Variants in FOXI2 observed in about 807,000 individuals in gnomAD.
The protein encoded by FOXI2 is forkhead box I2.
A neutral mutation model predicts 14.3 loss-of-function variants in FOXI2; 17 were observed. The ratio of observed to expected loss-of-function variants is 1.19; its 90% CI spans 0.81 to 1.78. The LOEUF (loss-of-function observed/expected upper bound fraction) is 1.78. FOXI2 is among the 40% of genes most tolerant of loss of function. The pLI is 0.00. For synonymous variants in FOXI2, 240 were observed against 218.8 expected, an observed-to-expected ratio of 1.10 and a Z score of -0.85; for missense variants, 541 against 460.0, an observed-to-expected ratio of 1.18 and a Z score of -1.61.
Position 127,737,263 on chromosome 10 carries a change from C to T in FOXI2, c.-11C>T, listed in dbSNP as rs775605070. 15 of 1,471,598 alleles carry T rather than the reference C, an allele frequency of 1.0e-5. No individual in the cohort carries two copies. In the East Asian group the frequency reaches 2.1e-4, roughly 20 times the overall value. 91.2% of individuals were successfully genotyped at this position (1,471,598 alleles called of 1,614,324 possible). A position where few individuals can be genotyped will look rare whatever the true frequency, so the allele number is the denominator to read the frequency against. ...GCGGCACCGCTGGCCCAGGCCCGGG[C>T]GCGGCTGGACATGGCCACCTACTGC... On this transcript the variant is annotated 5_prime_UTR_variant, in exon 1 of 2. Transcript: ENST00000388920.
At position 127,737,203 on chromosome 10, in the gene FOXI2, C is replaced by T; in HGVS notation, c.-71C>T. 2 of 1,429,898 alleles carry T rather than the reference C, an allele frequency of 1.4e-6. No homozygotes were observed. The highest frequency in any genetic ancestry group is 1.8e-6 in the Non-Finnish European group (2 of 1,098,886). The allele number at this position is 1,429,898 out of a possible 1,614,324, so 88.6% of individuals were successfully genotyped here. A position where few individuals can be genotyped will look rare whatever the true frequency, so the allele number is the denominator to read the frequency against. Reference sequence around the variant, plus strand: ...GCTGGTCGCACCCGGGCGCTGCTGGCGGCCAAGCTGGATGGGTCGCCAGTG... The same window carrying T: ...GCTGGTCGCACCCGGGCGCTGCTGGTGGCCAAGCTGGATGGGTCGCCAGTG... On this transcript the variant is annotated 5_prime_UTR_variant, in exon 1 of 2. Coordinates refer to ENST00000388920, the MANE Select transcript of FOXI2 (RefSeq NM_207426.3).
intron 1 of FOXI2, 76 bp from the exon 2 acceptor site, chr10:127,738,444 C>A: frequency 1.7e-6 from 2 of 1,181,918 alleles, no homozygotes; most frequent in Non-Finnish European, 1.2e-6. Flanking sequence ...CTTTCTGAAG[C>A]TGACCTCCTC....
Position 127,739,280 on chromosome 10 carries a change from C to A in FOXI2, c.*315C>A. ...TGCCTTGAAGGGGCGGCGGGTCGGC[C>A]CTCAGCTCCAGCGTTTTCCAAGGAG... On this transcript the variant is annotated 3_prime_UTR_variant, in exon 2 of 2. Transcript: ENST00000388920. 3.2e-6 allele frequency: 1 copy of A among 316,686 alleles called. No homozygotes were observed. The highest frequency in any genetic ancestry group is 6.8e-5 in the South Asian group (1 of 14,674). The allele number at this position is 316,686 out of a possible 1,614,324, so 19.6% of individuals were successfully genotyped here. A position where few individuals can be genotyped will look rare whatever the true frequency, so the allele number is the denominator to read the frequency against.
Position 127,738,697 on chromosome 10 carries a change from T to G in FOXI2, c.689T>G (p.Leu230Arg). The change falls in exon 2 of 2, where the codon CTG becomes CGG. Residue 230 changes from leucine (L) to arginine (R), a missense_variant. Physicochemically the swap from Leu to Arg is moderately radical, Grantham distance 102. Transcript: ENST00000388920. Reference sequence around the variant, plus strand: ...CCCCCGAGCGCGGCTTGCCTGGACCTGCAGGCCTCGCCCTCTCCATCCGCA... The same window carrying G: ...CCCCCGAGCGCGGCTTGCCTGGACCGGCAGGCCTCGCCCTCTCCATCCGCA... ...LEPPSAACLD[L>R]QASPSPSAPE... 1 of 1,596,952 alleles carries G rather than the reference T, an allele frequency of 6.3e-7. No individual in the cohort carries two copies. The highest frequency in any genetic ancestry group is 8.5e-7 in the Non-Finnish European group (1 of 1,172,236).
At chr10:127,738,472 C>A in intron 1 of FOXI2, 48 bp from the exon 2 acceptor site, 1 of 1,467,922 alleles carries the variant, frequency 6.8e-7, no homozygotes, top group Non-Finnish European at 9.3e-7. Context: ...CACACCACGG[C>A]CCGTCAAAGC....
chr10:127,739,901 ACACACACT>A lies in FOXI2; in HGVS notation c.*942_*949del, dbSNP rs1846483697. On this transcript the variant is annotated 3_prime_UTR_variant, in exon 2 of 2. Coordinates refer to ENST00000388920, the MANE Select transcript of FOXI2 (RefSeq NM_207426.3). ...CACACCCACACCCACACCCACACTCACACACACTCACACCCACACCCACACTCACACCC... is the reference window on the plus strand; with the variant it reads ...CACACCCACACCCACACCCACACTCACACACCCACACCCACACTCACACCC... 1 of 31,124 alleles carries A rather than the reference ACACACACT, an allele frequency of 3.2e-5. No homozygotes were observed. Among genetic ancestry groups the A allele is most frequent in the African/African-American group, 8.3e-5 (1 of 12,118 alleles). 1.9% of individuals were successfully genotyped at this position (31,124 alleles called of 1,614,324 possible). A position where few individuals can be genotyped will look rare whatever the true frequency, so the allele number is the denominator to read the frequency against.
rs370357053 is a variant in FOXI2, at chr10:127,737,632, T to G, written c.359T>G (p.Leu120Arg). The change falls in exon 1 of 2, where the codon CTG (leucine) becomes CGG (arginine). Residue 120 changes from leucine (L) to arginine (R), a missense_variant. Physicochemically the swap from Leu to Arg is moderately radical, Grantham distance 102. Coordinates refer to ENST00000388920, the MANE Select transcript of FOXI2 (RefSeq NM_207426.3). Reference protein sequence around the residue: ...LIAMAIQSAPLRKLTLSQIYQ... With the variant: ...LIAMAIQSAPRRKLTLSQIYQ... ...GCCATGGCCATCCAGAGCGCGCCGC[T>G]GCGGAAGCTGACGCTCAGCCAGATC... 6.1e-5 allele frequency: 95 copies of G among 1,570,226 alleles called. 1 individual carries two copies. In the East Asian group the frequency reaches 6.9e-4, roughly 11 times the overall value.
Position 127,737,615 on chromosome 10 carries a change from C to T in FOXI2, c.342C>T (p.Ala114=), listed in dbSNP as rs1846435478. ...PYSYSALIAM[A]IQSAPLRKLT... ...CCTACTCGGCGCTCATCGCCATGGC[C>T]ATCCAGAGCGCGCCGCTGCGGAAGC... The change falls in exon 1 of 2, where the codon GCC becomes GCT. Residue 114 remains alanine, a synonymous_variant. Transcript: ENST00000388920. The T allele has an allele frequency of 5.1e-6, 8 of 1,560,692 alleles. No homozygotes were observed. The highest frequency in any genetic ancestry group is 6.9e-6 in the Non-Finnish European group (8 of 1,152,894).
In FOXI2 at chr10:127,737,851, C is replaced by T. The variant is rs1459117655; in HGVS notation, c.511+67C>T. The T allele has an allele frequency of 1.2e-5, 18 of 1,558,540 alleles. No homozygotes were observed. The Admixed American group carries it at 2.9e-4, about 25-fold the overall frequency. ...TCTTCCCGCCGGGCCGCGGGCACTC[C>T]GGGGGTGGGAGCACCTTAGACAACC... is the stretch of plus-strand genomic sequence containing the variant. On this transcript the variant is annotated intron_variant, in intron 1 of 1. Coordinates refer to ENST00000388920, the MANE Select transcript of FOXI2 (RefSeq NM_207426.3).
Position 127,737,617 on chromosome 10 carries a change from T to A in FOXI2, c.344T>A (p.Ile115Asn). 1 of 1,561,452 alleles carries A rather than the reference T, an allele frequency of 6.4e-7. No homozygotes were observed. The highest frequency in any genetic ancestry group is 8.7e-7 in the Non-Finnish European group (1 of 1,153,270). ...TACTCGGCGCTCATCGCCATGGCCA[T>A]CCAGAGCGCGCCGCTGCGGAAGCTG... ...YSYSALIAMA[I>N]QSAPLRKLTL... The change falls in exon 1 of 2, where the codon ATC (isoleucine) becomes AAC (asparagine). Residue 115 changes from isoleucine (I) to asparagine (N), a missense_variant. Ile to Asn is a moderately radical substitution (Grantham distance 149). Coordinates refer to ENST00000388920, the MANE Select transcript of FOXI2 (RefSeq NM_207426.3).
intron 1 of FOXI2, among the ~76,000 whole-genome samples, 175 bp from the exon 2 acceptor site, chr10:127,738,345 C>T (rs745563172): frequency 6.6e-6 from 1 of 152,132 alleles, no homozygotes; most frequent in Non-Finnish European, 1.5e-5. Flanking sequence ...CTTCCCAGTC[C>T]TGCTGTGGAG....
Position 127,739,971 on chromosome 10 carries a change from T to TCACACC in FOXI2, c.*1011_*1012insCCACAC, listed in dbSNP as rs1564749351. ...CACCCACACACACCCACACTCATAC[T>TCACACC]CACACTCACACCCACACTCACACCA... On this transcript the variant is annotated 3_prime_UTR_variant, in exon 2 of 2. Coordinates refer to ENST00000388920, the MANE Select transcript of FOXI2 (RefSeq NM_207426.3). The TCACACC allele has an allele frequency of 1.1e-3, 2 of 1,854 alleles. No homozygotes were observed. Among genetic ancestry groups the TCACACC allele is most frequent in the Non-Finnish European group, 5.2e-3 (1 of 192 alleles). The allele number at this position is 1,854 out of a possible 1,614,324, so 0.1% of individuals were successfully genotyped here.
In FOXI2 at chr10:127,737,191, G is replaced by A. The variant is rs77244569; in HGVS notation, c.-83G>A. On this transcript the variant is annotated 5_prime_UTR_variant, in exon 1 of 2. Transcript: ENST00000388920. ...GGGCTGGGCCGGGCTGGTCGCACCCGGGCGCTGCTGGCGGCCAAGCTGGAT... is the reference window on the plus strand; with the variant it reads ...GGGCTGGGCCGGGCTGGTCGCACCCAGGCGCTGCTGGCGGCCAAGCTGGAT... 0.12 allele frequency: 169,409 copies of A among 1,390,540 alleles called. 11,244 individuals carry two copies. The highest frequency in any genetic ancestry group is 0.13 in the Non-Finnish European group (140,638 of 1,065,298). 86.1% of individuals were successfully genotyped at this position (1,390,540 alleles called of 1,614,324 possible). A position where few individuals can be genotyped will look rare whatever the true frequency, so the allele number is the denominator to read the frequency against.
In FOXI2 at chr10:127,739,646, GTCAC is replaced by G. The variant is rs540740964; in HGVS notation, c.*685_*688del. ...CCTTGGGATACCAGCTCCCTTCCCT[GTCAC>G]TCAGCCCTGGTCCTTGATGACCCCC... On this transcript the variant is annotated 3_prime_UTR_variant, in exon 2 of 2. Coordinates refer to ENST00000388920, the MANE Select transcript of FOXI2 (RefSeq NM_207426.3). 5.9e-3 allele frequency: 897 copies of G among 152,570 alleles called. 6 individuals carry two copies. The highest frequency in any genetic ancestry group is 0.017 in the Middle Eastern group (5 of 300). 9.5% of individuals were successfully genotyped at this position (152,570 alleles called of 1,614,324 possible).
rs1244554334 is a variant in FOXI2, at chr10:127,740,170, C to T, written c.*1205C>T. On this transcript the variant is annotated 3_prime_UTR_variant, in exon 2 of 2. Coordinates refer to ENST00000388920, the MANE Select transcript of FOXI2 (RefSeq NM_207426.3). ...ACTCACACCCACACCCACACTCATACTCACACACCCACACCCACACCCACA... is the reference window on the plus strand; with the variant it reads ...ACTCACACCCACACCCACACTCATATTCACACACCCACACCCACACCCACA... The T allele has an allele frequency of 7.3e-6, 1 of 137,648 alleles. No individual in the cohort carries two copies. Among genetic ancestry groups the T allele is most frequent in the East Asian group, 2.1e-4 (1 of 4,732 alleles). 8.5% of individuals were successfully genotyped at this position (137,648 alleles called of 1,614,324 possible). A position where few individuals can be genotyped will look rare whatever the true frequency, so the allele number is the denominator to read the frequency against.
rs2134995103 is a variant in FOXI2 at position 127,738,909 on chromosome 10, G to C, written c.901G>C (p.Ala301Pro). 1 of 1,604,008 alleles carries C rather than the reference G, an allele frequency of 6.2e-7. No homozygotes were observed. Among genetic ancestry groups the C allele is most frequent in the Non-Finnish European group, 8.5e-7 (1 of 1,179,410 alleles). The stretch of plus-strand genomic sequence containing the variant: ...CTTCGCCCCTGGCCACCAGACCGCG[G>C]CCGCCGGCTTCCGCCTCAGTCACCT... ...PGFAPGHQTA[A>P]AGFRLSHLLY... The change falls in exon 2 of 2, where the codon GCC (alanine) becomes CCC (proline). Residue 301 changes from alanine (A) to proline (P), a missense_variant. Transcript: ENST00000388920.
At chr10:127,737,870 G>T in intron 1 of FOXI2, 86 bp downstream of exon 1, 2 of 1,529,510 alleles carry the variant, frequency 1.3e-6, no homozygotes, top group Non-Finnish European at 1.8e-6. Flanking sequence ...GAGCACCTTA[G>T]ACAACCTAAT....
rs1355841917 is a variant in FOXI2, at chr10:127,739,953, ACACACC to A, written c.*994_*999del. ...CACACCCACACACACTCACACCCAC[ACACACC>A]CACACTCATACTCACACTCACACCC... On this transcript the variant is annotated 3_prime_UTR_variant, in exon 2 of 2. Coordinates refer to ENST00000388920, the MANE Select transcript of FOXI2 (RefSeq NM_207426.3). The A allele has an allele frequency of 1.9e-4, 6 of 31,614 alleles. No individual in the cohort carries two copies. The highest frequency in any genetic ancestry group is 3.4e-4 in the Non-Finnish European group (5 of 14,510). The allele number at this position is 31,614 out of a possible 1,614,324, so 2.0% of individuals were successfully genotyped here.
rs949305689 is a variant in FOXI2, at chr10:127,737,194, C to A, written c.-80C>A. On this transcript the variant is annotated 5_prime_UTR_variant, in exon 1 of 2. Transcript: ENST00000388920. ...CTGGGCCGGGCTGGTCGCACCCGGG[C>A]GCTGCTGGCGGCCAAGCTGGATGGG... The A allele has an allele frequency of 1.4e-6, 2 of 1,398,400 alleles. No homozygotes were observed. Among genetic ancestry groups the A allele is most frequent in the African/African-American group, 1.5e-5 (1 of 65,312 alleles). The allele number at this position is 1,398,400 out of a possible 1,614,324, so 86.6% of individuals were successfully genotyped here.
Sources: gnomAD v4.1 joint callset for allele counts (sites outside exome capture counted in the v4.1 genomes callset) on GRCh38, gnomAD v4.1.1 for gene constraint, MANE v1.5 for transcripts, NCBI Gene and HGNC (gene_info 2026-07-23, HGNC 2026-07-21) for gene names.